Variants in LGI4 observed in about 807,000 individuals in gnomAD.
LGI4 encodes leucine rich repeat LGI family member 4.
Under a neutral mutation model 48.3 loss-of-function variants are expected in LGI4, and 36 were observed. The observed-to-expected ratio is 0.75, with a 90% CI of 0.57 to 0.98. The LOEUF (loss-of-function observed/expected upper bound fraction) is 0.98. LGI4 is among the 50% of genes least tolerant of loss of function. The pLI is 0.00. For missense variants in LGI4, 701 were observed against 732.1 expected, an observed-to-expected ratio of 0.96 and a Z score of 0.49; for synonymous variants, 355 against 331.6, an observed-to-expected ratio of 1.07 and a Z score of -0.77.
intron 6 of LGI4, 88 bp downstream of exon 6, chr19:35,131,298 G>T (rs2065172302): frequency 1.4e-6 from 2 of 1,477,980 alleles, no homozygotes; most frequent in East Asian, 4.9e-5. Context: ...CCGGGAAATG[G>T]CAGGGCAGGG....
rs1243974674 is a variant in LGI4, at chr19:35,125,996, A to G, written c.1299+274T>C. 3 of 564,672 alleles carry G rather than the reference A, an allele frequency of 5.3e-6. No individual in the cohort carries two copies. The African/African-American group carries it at 5.6e-5, about 11-fold the overall frequency. 35.0% of individuals were successfully genotyped at this position (564,672 alleles called of 1,614,324 possible). On this transcript the variant is annotated intron_variant, in intron 8 of 8. Transcript: ENST00000310123. ...TTGGGGGCTCAGTGTCAGGGTGGGG[A>G]CAGGTGTGGCTGTGGTGAAGTCTGG...
chr19:35,129,324 A>G (rs1382672083), intron 6 of LGI4, among the ~76,000 whole-genome samples: 2 of 151,208 alleles, frequency 1.3e-5, no homozygotes, highest in African/African-American at 4.8e-5. Context: ...GTATGCATAT[A>G]TAATTATATA....
intron 6 of LGI4, among the ~76,000 whole-genome samples, chr19:35,127,343 G>A (rs746287622): frequency 1.3e-5 from 2 of 151,998 alleles, no homozygotes; most frequent in African/African-American, 2.4e-5. Context: ...TACCATGGCT[G>A]GCTATTTTTT....
intron 6 of LGI4, among the ~76,000 whole-genome samples, chr19:35,130,914 T>C (rs1198846123): frequency 6.6e-6 from 1 of 152,182 alleles, no homozygotes; most frequent in Admixed American, 6.5e-5. Flanking sequence ...CCTCTGGACT[T>C]TGAACTCTTT....
At position 35,134,851 on chromosome 19, in the gene LGI4, G is replaced by T. The variant is rs1256763509; in HGVS notation, c.-171C>A. 2.6e-5 allele frequency: 14 copies of T among 545,524 alleles called. No homozygotes were observed. The highest frequency in any genetic ancestry group is 4.2e-5 in the Non-Finnish European group (13 of 311,338). The allele number at this position is 545,524 out of a possible 1,614,324, so 33.8% of individuals were successfully genotyped here. A position where few individuals can be genotyped will look rare whatever the true frequency, so the allele number is the denominator to read the frequency against. On this transcript the variant is annotated 5_prime_UTR_variant, in exon 1 of 9. Coordinates refer to ENST00000310123, the MANE Select transcript of LGI4 (RefSeq NM_139284.3). ...TTTCAGTCGGCCTTCCTCCCTGTTC[G>T]TATGTCTTTGGTGTCTAATTTTCTG...
chr19:35,131,590 G>A lies in LGI4; in HGVS notation c.459-35C>T, dbSNP rs535830158. The A allele has an allele frequency of 1.4e-5, 21 of 1,539,406 alleles. No homozygotes were observed. The South Asian group carries it at 2.3e-4, about 17-fold the overall frequency. On this transcript the variant is annotated intron_variant, in intron 5 of 8. Transcript: ENST00000310123. The stretch of plus-strand genomic sequence containing the variant: ...GAGGCCAGGGAGGGGCTGCGACCCG[G>A]CTTCCACGCCCTGGGGGCCATGCTC...
At position 35,126,263 on chromosome 19, in the gene LGI4, G is replaced by C; in HGVS notation, c.1299+7C>G. 1.2e-6 allele frequency: 2 copies of C among 1,611,088 alleles called. No individual in the cohort carries two copies. Among genetic ancestry groups the C allele is most frequent in the Non-Finnish European group, 1.7e-6 (2 of 1,179,198 alleles). The stretch of plus-strand genomic sequence containing the variant: ...AGCCAGCCCCCCGCCCCCAGGCCCA[G>C]CCTCACCATGGAGTCCCCAATGTAG... On this transcript the variant is annotated splice_region_variant and intron_variant, in intron 8 of 8. Transcript: ENST00000310123.
chr19:35,134,645 A>G lies in LGI4; in HGVS notation c.36T>C (p.Ala12=). 1 of 942,944 alleles carries G rather than the reference A, an allele frequency of 1.1e-6. No homozygotes were observed. The highest frequency in any genetic ancestry group is 1.5e-5 in the South Asian group (1 of 68,070). 58.4% of individuals were successfully genotyped at this position (942,944 alleles called of 1,614,324 possible). A position where few individuals can be genotyped will look rare whatever the true frequency, so the allele number is the denominator to read the frequency against. The change falls in exon 1 of 9, where the codon GCT becomes GCC. Residue 12 remains alanine, a synonymous_variant. Coordinates refer to ENST00000310123, the MANE Select transcript of LGI4 (RefSeq NM_139284.3). ...TCCAGGCCACCACCACCCCCGCCCC[A>G]GCCAGCAGCAGCAGCAGAATGCCTG... ...GGAGILLLLL[A]GAGVVVAWRP...
chr19:35,131,600 C>T, intron 5 of LGI4, 45 bp from the exon 6 acceptor site: 1 of 1,535,166 alleles, frequency 6.5e-7, no homozygotes, highest in Non-Finnish European at 8.8e-7. Flanking sequence ...GCTTCCACGC[C>T]CTGGGGGCCA....
rs544305467 is a variant in LGI4 at position 35,134,764 on chromosome 19, C to G, written c.-84G>C. ...CACTACGTCTCCTCCTCCACCAGGCCGCCCTCCATCCGCCTGCTGGCACGC... is the reference window on the plus strand; with the variant it reads ...CACTACGTCTCCTCCTCCACCAGGCGGCCCTCCATCCGCCTGCTGGCACGC... On this transcript the variant is annotated 5_prime_UTR_variant, in exon 1 of 9. Transcript: ENST00000310123. The G allele has an allele frequency of 1.4e-6, 1 of 693,738 alleles. No individual in the cohort carries two copies. The allele number at this position is 693,738 out of a possible 1,614,324, so 43.0% of individuals were successfully genotyped here. A position where few individuals can be genotyped will look rare whatever the true frequency, so the allele number is the denominator to read the frequency against.
chr19:35,133,447 T>C, intron 3 of LGI4: 1 of 1,337,000 alleles, frequency 7.5e-7, no homozygotes, highest in Admixed American at 3.6e-5. Context: ...TTGTAGATCT[T>C]GAAGCAGAGA....
chr19:35,129,592 G>A (rs1600473088), intron 6 of LGI4, among the ~76,000 whole-genome samples: 1 of 152,122 alleles, frequency 6.6e-6, no homozygotes, highest in East Asian at 1.9e-4. Flanking sequence ...CAGTATGCTT[G>A]GTAAAAGTCA....
rs1392260143 is a variant in LGI4, at chr19:35,134,561, A to T, written c.120T>A (p.Cys40Ter). The T allele has an allele frequency of 6.3e-7, 1 of 1,585,302 alleles. No individual in the cohort carries two copies. Among genetic ancestry groups the T allele is most frequent in the South Asian group, 1.2e-5 (1 of 86,572 alleles). ...RCSCSKDSAL[C>*]EGSPDLPVSF... ...TGACGGGCAGGTCCGGGGAGCCCTC[A>T]CACAGGGCGCTGTCTTTAGAGCAGG... is the stretch of plus-strand genomic sequence containing the variant. Residue 40 changes from cysteine to a stop codon, truncating the protein, a stop_gained, in exon 1 of 9, where the codon TGT (cysteine) becomes TGA (stop). Coordinates refer to ENST00000310123, the MANE Select transcript of LGI4 (RefSeq NM_139284.3). LOFTEE classifies it high-confidence loss of function.
chr19:35,126,052 G>C, intron 8 of LGI4: 1 of 607,090 alleles, frequency 1.6e-6, no homozygotes, highest in East Asian at 2.8e-5. Flanking sequence ...CCAGCATTTG[G>C]GGGTAGAATC....
chr19:35,133,437 T>G, intron 3 of LGI4: 1 of 1,304,020 alleles, frequency 7.7e-7, no homozygotes. Context: ...TCCGGGCCCT[T>G]TGTAGATCTT....
intron 6 of LGI4, 129 bp from the exon 7 acceptor site, chr19:35,127,146 A>G (rs747535684): frequency 2.1e-6 from 2 of 957,808 alleles, no homozygotes; most frequent in Non-Finnish European, 3.0e-6. Context: ...ATATAACTGG[A>G]ATCTTGATCT....
chr19:35,125,857 C>T, intron 8 of LGI4: 1 of 573,712 alleles, frequency 1.7e-6, no homozygotes, highest in Non-Finnish European at 3.3e-6. Context: ...CTGTTCCCCA[C>T]CCAGAGACCT....
At chr19:35,131,755 A>C in intron 5 of LGI4, 34 bp downstream of exon 5, 30 of 1,460,838 alleles carry the variant, frequency 2.1e-5, no homozygotes, top group Admixed American at 3.9e-5. Context: ...AACATTCCCC[A>C]ACCCCCCACA....
chr19:35,134,756 C>T lies in LGI4; in HGVS notation c.-76G>A, dbSNP rs2145371104. 2 of 751,446 alleles carry T rather than the reference C, an allele frequency of 2.7e-6. No homozygotes were observed. Among genetic ancestry groups the T allele is most frequent in the Admixed American group, 3.1e-5 (1 of 32,410 alleles). 46.5% of individuals were successfully genotyped at this position (751,446 alleles called of 1,614,324 possible). A position where few individuals can be genotyped will look rare whatever the true frequency, so the allele number is the denominator to read the frequency against. On this transcript the variant is annotated 5_prime_UTR_variant, in exon 1 of 9. Transcript: ENST00000310123. ...GCCCAGGCCACTACGTCTCCTCCTC[C>T]ACCAGGCCGCCCTCCATCCGCCTGC...
Sources: gnomAD v4.1 joint callset for allele counts (sites outside exome capture counted in the v4.1 genomes callset) on GRCh38, gnomAD v4.1.1 for gene constraint, MANE v1.5 for transcripts, NCBI Gene and HGNC (gene_info 2026-07-23, HGNC 2026-07-21) for gene names.